GPR89A: variants seen among roughly 807,000 people sequenced by gnomAD.
GPR89A encodes the protein G protein-coupled receptor 89A.
Under a neutral mutation model 52.0 loss-of-function variants are expected in GPR89A, and 16 were observed. The observed-to-expected ratio is 0.31, with a 90% CI of 0.21 to 0.47. GPR89A has a LOEUF of 0.47. Ranked by LOEUF, GPR89A falls within the 20% of genes least tolerant of loss-of-function variation. GPR89A has a pLI of 1.00. For synonymous variants in GPR89A, 55 were observed against 150.9 expected (o/e 0.36, Z 4.66); for missense variants, 135 against 449.4 (o/e 0.30, Z 6.33).
Position 145,608,126 on chromosome 1 carries a change from A to C in GPR89A, c.-8A>C. 1.2e-6 allele frequency: 2 copies of C among 1,613,558 alleles called. No individual in the cohort carries two copies. Among genetic ancestry groups the C allele is most frequent in the Non-Finnish European group, 1.7e-6 (2 of 1,179,808 alleles). Reference sequence around the variant, plus strand: ...AAGTGGAGGCAGGAGCCTTCCTTACACTTCGCCATGAGTTTCCTCATCGAC... The same window carrying C: ...AAGTGGAGGCAGGAGCCTTCCTTACCCTTCGCCATGAGTTTCCTCATCGAC... On this transcript the variant is annotated 5_prime_UTR_variant, in exon 1 of 14. Coordinates refer to ENST00000313835, the MANE Select transcript of GPR89A (RefSeq NM_001097612.2).
At chr1:145,616,971 G>A (rs1226296551) in intron 2 of GPR89A, among the ~76,000 whole-genome samples, 21 of 152,260 alleles carry the variant, frequency 1.4e-4, no homozygotes, top group African/African-American at 3.9e-4. Context: ...ACTGATGAGG[G>A]TCTGTGTCCC....
At chr1:145,616,689 A>G (rs1366115771) in intron 2 of GPR89A, among the ~76,000 whole-genome samples, 6 of 152,150 alleles carry the variant, frequency 3.9e-5, no homozygotes, top group African/African-American at 9.7e-5. Context: ...CCAGTCCCCA[A>G]TATTTCAACA....
intron 13 of GPR89A, 25 bp from the exon 14 acceptor site, chr1:145,669,809 C>T: frequency 1.6e-6 from 2 of 1,289,610 alleles, no homozygotes; most frequent in Non-Finnish European, 2.2e-6. Context: ...AGAGTCACTT[C>T]TGGATTAATT....
At chr1:145,608,435 C>T (rs587673459) in intron 1 of GPR89A, 1 of 639,846 alleles carries the variant, frequency 1.6e-6, no homozygotes, top group South Asian at 1.8e-5. Flanking sequence ...TGGAAGCGGT[C>T]CGCCGACCTC....
chr1:145,628,431 T>A (rs1389572347), intron 5 of GPR89A, among the ~76,000 whole-genome samples: 2 of 151,986 alleles, frequency 1.3e-5, no homozygotes, highest in African/African-American at 4.8e-5. Flanking sequence ...TTGGAAAATG[T>A]TGAATTTTGC....
At chr1:145,617,907 G>T (rs1206113701) in intron 2 of GPR89A, among the ~76,000 whole-genome samples, 2 of 151,828 alleles carry the variant, frequency 1.3e-5, no homozygotes, top group Non-Finnish European at 2.9e-5. Flanking sequence ...GGATTCTGGA[G>T]ATTTTCTTCT....
chr1:145,645,331 G>A (rs587713848), intron 8 of GPR89A: 1 of 332,646 alleles, frequency 3.0e-6, no homozygotes, highest in African/African-American at 2.2e-5. Flanking sequence ...AATCAGAGAG[G>A]AGGGAGGATT....
At chr1:145,650,977 T>G (rs1651411192) in intron 10 of GPR89A, among the ~76,000 whole-genome samples, 1 of 151,230 alleles carries the variant, frequency 6.6e-6, no homozygotes, top group Non-Finnish European at 1.5e-5. Flanking sequence ...TCTTTAGCTG[T>G]GCAGAAGCTC....
intron 8 of GPR89A, chr1:145,644,752 AAAAG>A (rs1364669599): frequency 7.9e-5 from 12 of 152,088 alleles, no homozygotes; most frequent in Non-Finnish European, 1.2e-4. Flanking sequence ...CTCAAAATAA[AAAAG>A]AAAGGATAAA....
At chr1:145,645,496 C>G (rs1650921244) in intron 8 of GPR89A, 4 of 436,620 alleles carry the variant, frequency 9.2e-6, no homozygotes, top group Middle Eastern at 7.5e-4. Flanking sequence ...CCCCTGTTCT[C>G]TAAATGGGAG....
chr1:145,639,151 A>G (rs1309306487), intron 7 of GPR89A, among the ~76,000 whole-genome samples: 5 of 151,890 alleles, frequency 3.3e-5, no homozygotes, highest in African/African-American at 1.2e-4. Context: ...TAAGATATAA[A>G]TAAACCATGT....
chr1:145,625,048 ATAC>A (rs1649396665), intron 5 of GPR89A, among the ~76,000 whole-genome samples: 1 of 152,040 alleles, frequency 6.6e-6, no homozygotes, highest in South Asian at 2.1e-4. Context: ...CCTTCCATGT[ATAC>A]TGATTGCCTA....
At chr1:145,638,524 A>AT (rs1419894847) in intron 7 of GPR89A, among the ~76,000 whole-genome samples, 3 of 146,490 alleles carry the variant, frequency 2.0e-5, no homozygotes, top group African/African-American at 8.1e-5. Context: ...AATAGTAAAT[A>AT]TTTTTTTAAA....
At position 145,639,160 on chromosome 1, in the gene GPR89A, G is replaced by A. The variant is rs1650457214; in HGVS notation, c.618-4709G>A. 3.3e-5 allele frequency among the ~76,000 whole-genome samples: 5 copies of A among 151,690 alleles called. No individual in the cohort carries two copies. In the South Asian group the frequency reaches 8.3e-4, roughly 25 times the overall value. On this transcript the variant is annotated intron_variant, in intron 7 of 13. Coordinates refer to ENST00000313835, the MANE Select transcript of GPR89A (RefSeq NM_001097612.2). The stretch of plus-strand genomic sequence containing the variant: ...ATCAAATAAGATATAAATAAACCAT[G>A]TTAATAGATTGGAAGACTTGAATAG...
chr1:145,665,232 C>T (rs1395683472), intron 11 of GPR89A, among the ~76,000 whole-genome samples: 3 of 151,840 alleles, frequency 2.0e-5, no homozygotes, highest in African/African-American at 7.3e-5. Context: ...CCTGTAATAC[C>T]AACACTTTGG....
rs1652275201 is a variant in GPR89A at position 145,662,586 on chromosome 1, CA to C, written c.910-741del. Among the ~76,000 whole-genome samples, 2 of 152,030 alleles carry C rather than the reference CA, an allele frequency of 1.3e-5. 1 individual carries two copies. The highest frequency in any genetic ancestry group is 4.2e-4 in the South Asian group (2 of 4,808). On this transcript the variant is annotated intron_variant, in intron 10 of 13. Transcript: ENST00000313835. ...TTGACATGTTTAGACCAAGGATCAG[CA>C]ATCTATAGCCCACAGGCCAAACCTA... is the stretch of plus-strand genomic sequence containing the variant.
intron 7 of GPR89A, among the ~76,000 whole-genome samples, chr1:145,637,078 T>A (rs1471814917): frequency 2.6e-5 from 4 of 152,204 alleles, no homozygotes; most frequent in Non-Finnish European, 4.4e-5. Context: ...AGGCAGAAAC[T>A]GGAAGAGAGT....
intron 1 of GPR89A, 59 bp from the exon 2 acceptor site, chr1:145,616,175 C>G (rs1648675717): frequency 1.6e-6 from 2 of 1,250,246 alleles, no homozygotes; most frequent in Non-Finnish European, 2.3e-6. Context: ...AAAAGAGTTT[C>G]TATAAAACAT....
intron 11 of GPR89A, 31 bp downstream of exon 11, chr1:145,663,455 A>G (rs781966042): frequency 5.6e-6 from 9 of 1,610,220 alleles, no homozygotes; most frequent in Admixed American, 3.3e-5. Flanking sequence ...CTGGTTTGTC[A>G]TGTTTCTGTT....
Sources: gnomAD v4.1 joint callset for allele counts (sites outside exome capture counted in the v4.1 genomes callset) on GRCh38, gnomAD v4.1.1 for gene constraint, MANE v1.5 for transcripts, NCBI Gene and HGNC (gene_info 2026-07-23, HGNC 2026-07-21) for gene names.